The following ZMYM4 variants were observed in gnomAD, a reference collection of about 807,000 sequenced individuals.
The protein encoded by ZMYM4 is zinc finger MYM-type containing 4.
A neutral mutation model predicts 183.2 loss-of-function variants in ZMYM4; 31 were observed. The ratio of observed to expected loss-of-function variants is 0.17; its 90% CI spans 0.13 to 0.23. ZMYM4 has a LOEUF of 0.23. Among genes scored for constraint, ZMYM4 ranks in the 10% least tolerant of loss-of-function variants. The pLI is 1.00. For missense variants in ZMYM4, 1,273 were observed against 1,840.3 expected, an observed-to-expected ratio of 0.69 and a Z score of 5.64; for synonymous variants, 592 against 631.2, an observed-to-expected ratio of 0.94 and a Z score of 0.93.
chr1:35,397,834 A>G (rs149983246), intron 20 of ZMYM4, among the ~76,000 whole-genome samples: 1 of 152,328 alleles, frequency 6.6e-6, no homozygotes, highest in East Asian at 1.9e-4. Flanking sequence ...AATCAAAGCC[A>G]TGGTCCCCAC....
chr1:35,275,269 T>A (rs1009539940), intron 1 of ZMYM4, among the ~76,000 whole-genome samples: 1 of 151,898 alleles, frequency 6.6e-6, no homozygotes, highest in Non-Finnish European at 1.5e-5. Flanking sequence ...TGAGACAGAG[T>A]CTTGCTCTGT....
chr1:35,415,366 G>A (rs1640073527), intron 27 of ZMYM4, 100 bp from the exon 28 acceptor site: 6 of 1,481,296 alleles, frequency 4.1e-6, no homozygotes, highest in Admixed American at 2.0e-5. Context: ...GGAATAGTCA[G>A]TTTTTCTCTT....
chr1:35,378,406 T>G (rs1456958178), intron 7 of ZMYM4, among the ~76,000 whole-genome samples: 7 of 152,234 alleles, frequency 4.6e-5, no homozygotes, highest in Non-Finnish European at 8.8e-5. Flanking sequence ...GCTGTAGCCT[T>G]AGGAAATGTA....
intron 4 of ZMYM4, 88 bp downstream of exon 4, chr1:35,361,343 T>C: frequency 7.6e-7 from 1 of 1,323,216 alleles, no homozygotes; most frequent in East Asian, 2.4e-5. Context: ...TAACAATGTA[T>C]TAGGTAGAGC....
intron 2 of ZMYM4, among the ~76,000 whole-genome samples, chr1:35,335,222 C>A (rs904179241): frequency 7.4e-5 from 11 of 148,872 alleles, no homozygotes; most frequent in African/African-American, 2.7e-4. Flanking sequence ...TTACCACTTG[C>A]TTTTATTCCC....
Position 35,284,167 on chromosome 1 carries a change from G to A in ZMYM4, c.39+15082G>A, listed in dbSNP as rs890200929. Among the ~76,000 whole-genome samples, 16 of 151,260 alleles carry A rather than the reference G, an allele frequency of 1.1e-4. 2 individuals carry two copies. The highest frequency in any genetic ancestry group is 3.2e-4 in the African/African-American group (13 of 41,066). On this transcript the variant is annotated intron_variant, in intron 1 of 29. Transcript: ENST00000314607. ...AATTTTTTGTATTTTTAGTAGAGAC[G>A]GGGTTTCACCTTGTTAGCCAGGATG...
chr1:35,355,197 CTTCTTTT>C (rs1643774845), intron 2 of ZMYM4, among the ~76,000 whole-genome samples: 1 of 120,810 alleles, frequency 8.3e-6, no homozygotes, highest in Admixed American at 8.7e-5. Context: ...CCACGCCTGG[CTTCTTTT>C]TTTTTTTTTT....
intron 1 of ZMYM4, among the ~76,000 whole-genome samples, chr1:35,298,828 A>C (rs932546878): frequency 6.6e-6 from 1 of 152,112 alleles, no homozygotes; most frequent in African/African-American, 2.4e-5. Context: ...GTGGGTTTGG[A>C]GTTGAGAGGC....
chr1:35,404,809 C>T, intron 23 of ZMYM4: 2 of 429,998 alleles, frequency 4.7e-6, no homozygotes, highest in South Asian at 4.5e-5. Context: ...ACAGTGTGCT[C>T]TTCTGCATTT....
Position 35,389,754 on chromosome 1 carries a change from C to CA in ZMYM4, c.2437-179dup, listed in dbSNP as rs1173420649. On this transcript the variant is annotated intron_variant, in intron 14 of 29. Coordinates refer to ENST00000314607, the MANE Select transcript of ZMYM4 (RefSeq NM_005095.3). This position sits in a 1 kb window ranked among gnomAD's most constrained non-coding sequence, Gnocchi z 4.0. ...TGGGCGATAGAGCAAGGCTCTGTCTCAAAAAAAAAAAAAAATATATATATA... is the reference window on the plus strand; with the variant it reads ...TGGGCGATAGAGCAAGGCTCTGTCTCAAAAAAAAAAAAAAAATATATATATA... 0.015 allele frequency among the ~76,000 whole-genome samples: 1,370 copies of CA among 91,524 alleles called. 6 individuals are homozygous for CA. Among genetic ancestry groups the CA allele is most frequent in the Non-Finnish European group, 0.022 (892 of 41,306 alleles). 60.0% of individuals were successfully genotyped at this position (91,524 alleles called of 152,430 possible).
chr1:35,382,455 C>CTT (rs543692263), intron 9 of ZMYM4, among the ~76,000 whole-genome samples: 4 of 140,926 alleles, frequency 2.8e-5, no homozygotes, highest in African/African-American at 1.0e-4. Context: ...TAGAGTGTGG[C>CTT]TTTTTTTTTT....
chr1:35,273,862 C>G (rs1421958880), intron 1 of ZMYM4, among the ~76,000 whole-genome samples: 3 of 152,030 alleles, frequency 2.0e-5, no homozygotes, highest in Non-Finnish European at 4.4e-5. Context: ...AAAAAGTATT[C>G]ATGGTATAAT....
intron 2 of ZMYM4, among the ~76,000 whole-genome samples, chr1:35,344,420 A>C (rs1643317048): frequency 6.6e-6 from 1 of 151,876 alleles, no homozygotes; most frequent in African/African-American, 2.4e-5. Flanking sequence ...GTTTTTTTCA[A>C]CTTAGGGGGA....
chr1:35,268,858 C>T lies in ZMYM4; in HGVS notation c.-189C>T, dbSNP rs1457195253. 1 of 520,174 alleles carries T rather than the reference C, an allele frequency of 1.9e-6. No homozygotes were observed. The highest frequency in any genetic ancestry group is 4.0e-5 in the East Asian group (1 of 24,938). The allele number at this position is 520,174 out of a possible 1,614,324, so 32.2% of individuals were successfully genotyped here. On this transcript the variant is annotated 5_prime_UTR_variant, in exon 1 of 30. Coordinates refer to ENST00000314607, the MANE Select transcript of ZMYM4 (RefSeq NM_005095.3). ...AGGCCCTCCCGCCCACGCGCGGACC[C>T]GTGGGATCTCAGAAGCTGCGGCCCG...
chr1:35,355,106 T>G (rs1351317598), intron 2 of ZMYM4, among the ~76,000 whole-genome samples: 1 of 151,640 alleles, frequency 6.6e-6, no homozygotes, highest in Non-Finnish European at 1.5e-5. Flanking sequence ...CAATCTCGGC[T>G]CACTGCAAGC....
intron 5 of ZMYM4, among the ~76,000 whole-genome samples, chr1:35,367,143 C>CATAT (rs1372504413): frequency 6.6e-6 from 1 of 151,748 alleles, no homozygotes; most frequent in East Asian, 1.9e-4. Flanking sequence ...ACTTATTACA[C>CATAT]ATATATTCTA....
chr1:35,284,648 A>C (rs1484232952), intron 1 of ZMYM4, among the ~76,000 whole-genome samples: 1 of 152,218 alleles, frequency 6.6e-6, no homozygotes, highest in Non-Finnish European at 1.5e-5. Flanking sequence ...TGGCTTAAAC[A>C]ACAAATTTAT....
chr1:35,331,797 C>CATAAAGAA (rs1553168589), intron 2 of ZMYM4, among the ~76,000 whole-genome samples: 1 of 140,582 alleles, frequency 7.1e-6, no homozygotes, highest in East Asian at 2.1e-4. Flanking sequence ...CTCAAAAATA[C>CATAAAGAA]ATAAATAAAT....
intron 1 of ZMYM4, among the ~76,000 whole-genome samples, chr1:35,302,299 TG>T (rs1240888796): frequency 7.1e-6 from 1 of 141,712 alleles, no homozygotes; most frequent in Non-Finnish European, 1.5e-5. Flanking sequence ...CCTTGACCCC[TG>T]GGCTCAATAG....
Sources: allele counts gnomAD v4.1 joint callset (sites outside exome capture counted in the v4.1 genomes callset), GRCh38; gene constraint gnomAD v4.1.1; non-coding constraint Gnocchi (gnomAD v3.1); transcripts MANE v1.5; gene names NCBI Gene and HGNC (gene_info 2026-07-23, HGNC 2026-07-21).